The following ZNF248 variants were observed in gnomAD, a reference collection of about 807,000 sequenced individuals.
The protein encoded by ZNF248 is zinc finger protein 248, also known as KRAB protein domain.
In ZNF248, 20 loss-of-function variants were observed where a neutral mutation model predicts 44.3. The ratio of observed to expected loss-of-function variants is 0.45; its 90% confidence interval spans 0.32 to 0.66. The LOEUF is 0.66. Ranked by LOEUF, ZNF248 falls within the 30% of genes least tolerant of loss-of-function variation. The pLI is 0.04. For missense variants in ZNF248, 654 were observed against 677.0 expected, an observed-to-expected ratio of 0.97 and a Z score of 0.38; for synonymous variants, 224 against 229.0, an observed-to-expected ratio of 0.98 and a Z score of 0.20.
At chr10:37,790,815 G>A (rs1239147529) in intron 6 of ZNF248, among the ~76,000 whole-genome samples, 1 of 150,804 alleles carries the variant, frequency 6.6e-6, no homozygotes, top group African/African-American at 2.4e-5. Flanking sequence ...AGCTACATGG[G>A]AGGCTGAGAT....
intron 6 of ZNF248, among the ~76,000 whole-genome samples, chr10:37,806,506 C>G (rs1193109558): frequency 2.6e-5 from 4 of 151,730 alleles, no homozygotes; most frequent in Non-Finnish European, 1.5e-5. Context: ...TGTTGACTAT[C>G]TTTTCATATG....
rs979340244 is a variant in ZNF248 at position 37,831,320 on chromosome 10, T to A, written c.*295A>T. On this transcript the variant is annotated 3_prime_UTR_variant, in exon 6 of 6. Transcript: ENST00000395867. ...TATAAGCTTCAGATTCCACTGTGAATATGGGTATAAATAAATATTGTCCAT... is the reference window on the plus strand; with the variant it reads ...TATAAGCTTCAGATTCCACTGTGAAAATGGGTATAAATAAATATTGTCCAT... 6.5e-7 allele frequency: 1 copy of A among 1,549,600 alleles called. No homozygotes were observed.
intron 4 of ZNF248, 56 bp from the exon 5 acceptor site, chr10:37,837,768 T>C (rs2057513679): frequency 6.6e-7 from 1 of 1,514,160 alleles, no homozygotes; most frequent in Non-Finnish European, 9.1e-7. Context: ...TCAGGGGCTC[T>C]GAATACATCA....
chr10:37,778,723 C>A (rs1283873674), intron 6 of ZNF248, among the ~76,000 whole-genome samples: 1 of 151,888 alleles, frequency 6.6e-6, no homozygotes, highest in Non-Finnish European at 1.5e-5. Flanking sequence ...ATTAATGAAT[C>A]CAGGAGCTGG....
chr10:37,781,528 C>T (rs1260827117), intron 6 of ZNF248, among the ~76,000 whole-genome samples: 1 of 152,150 alleles, frequency 6.6e-6, no homozygotes, highest in Non-Finnish European at 1.5e-5. Flanking sequence ...TTCCTGTAGT[C>T]GTACAGCCAT....
At chr10:37,813,019 C>CAAAAAAA (rs1269928346) in intron 6 of ZNF248, among the ~76,000 whole-genome samples, 17 of 117,070 alleles carry the variant, frequency 1.5e-4, no homozygotes, top group Non-Finnish European at 2.6e-4. Flanking sequence ...GTGGATATGG[C>CAAAAAAA]AAAAAGAAAA....
the ZNF248 span, among the ~76,000 whole-genome samples, chr10:37,764,667 C>T: frequency 9.9e-5 from 15 of 152,004 alleles, no homozygotes; most frequent in South Asian, 2.1e-4. Flanking sequence ...TCAGATAGGC[C>T]GACACCGGGA....
chr10:37,758,881 C>T, the ZNF248 span, among the ~76,000 whole-genome samples: 26 of 152,200 alleles, frequency 1.7e-4, no homozygotes, highest in Non-Finnish European at 3.5e-4. Flanking sequence ...ATCCTTCCCA[C>T]AGGATATGCG....
At chr10:37,770,425 T>C in the ZNF248 span, among the ~76,000 whole-genome samples, 9 of 152,088 alleles carry the variant, frequency 5.9e-5, no homozygotes, top group African/African-American at 2.2e-4. Context: ...CCAAAACAGA[T>C]ATAGATCAAT....
intron 3 of ZNF248, among the ~76,000 whole-genome samples, chr10:37,843,423 C>CAA (rs530114229): frequency 2.9e-5 from 2 of 69,308 alleles, no homozygotes; most frequent in African/African-American, 5.8e-5. Flanking sequence ...GACTCTGCCT[C>CAA]AAAAAAAAAA....
intron 3 of ZNF248, among the ~76,000 whole-genome samples, chr10:37,852,674 TTATA>T (rs1160355744): frequency 6.7e-6 from 1 of 148,746 alleles, no homozygotes; most frequent in Non-Finnish European, 1.5e-5. Flanking sequence ...CAATATATAT[TTATA>T]TATGTTATAT....
chr10:37,760,724 C>T, the ZNF248 span, among the ~76,000 whole-genome samples: 1 of 152,024 alleles, frequency 6.6e-6, no homozygotes, highest in Non-Finnish European at 1.5e-5. Flanking sequence ...ATCCCAGCTA[C>T]TCAGGGGGCC....
In ZNF248 at chr10:37,829,617, A is replaced by C. The variant is rs2133833539; in HGVS notation, c.*1998T>G. 1 of 985,458 alleles carries C rather than the reference A, an allele frequency of 1.0e-6. No individual in the cohort carries two copies. The highest frequency in any genetic ancestry group is 1.1e-4 in the East Asian group (1 of 8,818). The allele number at this position is 985,458 out of a possible 1,614,324, so 61.0% of individuals were successfully genotyped here. A position where few individuals can be genotyped will look rare whatever the true frequency, so the allele number is the denominator to read the frequency against. On this transcript the variant is annotated 3_prime_UTR_variant, in exon 6 of 6. Coordinates refer to ENST00000395867, the MANE Select transcript of ZNF248 (RefSeq NM_021045.3). ...CCAGTAGAGAACAGGTATAGAGAGC[A>C]GAGTAGCTCGGCAACGTCACCTCTG...
chr10:37,832,703 T>TAAAA lies in ZNF248; in HGVS notation c.651_652insTTTT (p.Lys218PhefsTer2). 6.2e-7 allele frequency: 1 copy of TAAAA among 1,613,550 alleles called. No homozygotes were observed. The highest frequency in any genetic ancestry group is 1.1e-5 in the South Asian group (1 of 91,078). On this transcript the variant is annotated frameshift_variant, in exon 6 of 6. Transcript: ENST00000395867. LOFTEE classifies it high-confidence loss of function. ...TCATCATGGAAGCCTTGTCCATTTT[T>TAAAA]ACTATACTCAAAAGATTGGCCAAAA... is the stretch of plus-strand genomic sequence containing the variant.
chr10:37,834,395 C>T (rs1006273667), intron 5 of ZNF248, among the ~76,000 whole-genome samples: 7 of 152,108 alleles, frequency 4.6e-5, no homozygotes, highest in Admixed American at 3.9e-4. Flanking sequence ...TTCCAACCTG[C>T]ACCTGATCAG....
At chr10:37,818,991 A>T (rs936509436) in intron 6 of ZNF248, 2 of 977,676 alleles carry the variant, frequency 2.0e-6, no homozygotes, top group Non-Finnish European at 3.3e-6. Flanking sequence ...TCTGGTGTTA[A>T]ATTGCAATAA....
the ZNF248 span, among the ~76,000 whole-genome samples, chr10:37,771,177 G>C: frequency 9.8e-5 from 15 of 152,322 alleles, no homozygotes; most frequent in African/African-American, 2.2e-4. Flanking sequence ...GTTGGTGGGA[G>C]TGTAAACCAG....
At chr10:37,800,366 G>T (rs1052805327) in intron 6 of ZNF248, among the ~76,000 whole-genome samples, 1 of 152,270 alleles carries the variant, frequency 6.6e-6, no homozygotes, top group East Asian at 1.9e-4. Flanking sequence ...AGAATATATA[G>T]TATTTGGTTT....
the ZNF248 span, among the ~76,000 whole-genome samples, chr10:37,766,523 G>A: frequency 1.3e-5 from 2 of 152,192 alleles, no homozygotes; most frequent in African/African-American, 4.8e-5. Flanking sequence ...AGGGTCTGGA[G>A]TGGACCTCTA....
Sources: gnomAD v4.1 joint callset for allele counts (sites outside exome capture counted in the v4.1 genomes callset) on GRCh38, gnomAD v4.1.1 for gene constraint, MANE v1.5 for transcripts, NCBI Gene and HGNC (gene_info 2026-07-23, HGNC 2026-07-21) for gene names.